Variants in MAPK8IP3 observed in about 807,000 individuals in gnomAD.
MAPK8IP3 encodes the protein C-Jun-amino-terminal kinase-interacting protein 3.
Under a neutral mutation model 157.8 loss-of-function variants are expected in MAPK8IP3, and 49 were observed. The ratio of observed to expected loss-of-function variants is 0.31; its 90% confidence interval spans 0.25 to 0.39. The LOEUF is 0.39. Among genes scored for constraint, MAPK8IP3 ranks in the 10% least tolerant of loss-of-function variants. The probability of loss-of-function intolerance (pLI) is 1.00; values close to 1 mark genes in which losing one functional copy is unlikely to be tolerated. For synonymous variants in MAPK8IP3, 897 were observed against 777.7 expected (o/e 1.15, Z -2.55); for missense variants, 1,478 against 1,889.4 (o/e 0.78, Z 4.04).
rs994920328 is a variant in MAPK8IP3, at chr16:1,710,720, C to G, written c.318+4063C>G. On this transcript the variant is annotated intron_variant, in intron 1 of 31. Transcript: ENST00000610761. This position sits in a 1 kb window ranked among gnomAD's most constrained non-coding sequence, Gnocchi z 4.1. ...TTCATATGACAAATAGTAAATCCAC[C>G]ACTGCTTGGCCAGAGTATGCGATTT... Among the ~76,000 whole-genome samples, 1 of 152,148 alleles carries G rather than the reference C, an allele frequency of 6.6e-6. No individual in the cohort carries two copies. The highest frequency in any genetic ancestry group is 2.4e-5 in the African/African-American group (1 of 41,420).
chr16:1,748,525 T>C, intron 7 of MAPK8IP3, 77 bp from the exon 8 acceptor site: 1 of 1,287,186 alleles, frequency 7.8e-7, no homozygotes, highest in Admixed American at 1.8e-5. Flanking sequence ...TGGGAGGTGT[T>C]GGAAGAGTCT....
intron 5 of MAPK8IP3, 35 bp from the exon 6 acceptor site, chr16:1,746,994 G>T: frequency 1.2e-6 from 2 of 1,606,314 alleles, no homozygotes; most frequent in South Asian, 2.2e-5. Flanking sequence ...GACCTGCAGT[G>T]ACTCGCTCTC....
At position 1,762,986 on chromosome 16, in the gene MAPK8IP3, C is replaced by G; in HGVS notation, c.1878C>G (p.Pro626=). 9.3e-6 allele frequency: 15 copies of G among 1,612,880 alleles called. No homozygotes were observed. Among genetic ancestry groups the G allele is most frequent in the Non-Finnish European group, 1.3e-5 (15 of 1,179,976 alleles). Residue 626 remains proline, a synonymous_variant, in exon 16 of 32, where the codon CCC becomes CCG. Transcript: ENST00000610761. ...AMCPISAGSR[P]LEFFPDDDCT... ...GCCCGATCTCGGCAGGCAGCCGGCC[C>G]CTGGAATTCTTCCCTGACGAGTGAG... is the stretch of plus-strand genomic sequence containing the variant.
rs554891383 is a variant in MAPK8IP3 at position 1,717,891 on chromosome 16, G to A, written c.319-6666G>A. 1.7e-3 allele frequency among the ~76,000 whole-genome samples: 260 copies of A among 150,396 alleles called. 1 individual carries two copies. The highest frequency in any genetic ancestry group is 2.9e-3 in the Admixed American group (44 of 15,106). On this transcript the variant is annotated intron_variant, in intron 1 of 31. Coordinates refer to ENST00000610761, the MANE Select transcript of MAPK8IP3 (RefSeq NM_001318852.2). ...TTTTGAGATGGAGTCTCGCTCTATC[G>A]CCCAGGCTGGAGTGCAGTGGCACGA...
At chr16:1,744,528 G>T in intron 5 of MAPK8IP3, 1 of 985,586 alleles carries the variant, frequency 1.0e-6, no homozygotes, top group Non-Finnish European at 1.2e-6. Flanking sequence ...GAGAGAGGGT[G>T]GCGGGGCTGC....
chr16:1,765,100 G>A lies in MAPK8IP3; in HGVS notation c.2368G>A (p.Asp790Asn), dbSNP rs376382730. ...GACCACCAGCAAGGTGGTGATCATCGACGCCAACCAGCCGGGCACGGTGGT... is the reference window on the plus strand; with the variant it reads ...GACCACCAGCAAGGTGGTGATCATCAACGCCAACCAGCCGGGCACGGTGGT... ...TLTTSKVVII[D>N]ANQPGTVVDQ... The change falls in exon 20 of 32, where the codon GAC becomes AAC. Residue 790 changes from aspartate (D) to asparagine (N), a missense_variant. Transcript: ENST00000610761. The A allele has an allele frequency of 8.9e-5, 144 of 1,612,498 alleles. 1 individual carries two copies. Among genetic ancestry groups the A allele is most frequent in the Admixed American group, 3.5e-4 (21 of 59,984 alleles).
chr16:1,728,740 C>T (rs558479421), intron 2 of MAPK8IP3, among the ~76,000 whole-genome samples: 4 of 148,938 alleles, frequency 2.7e-5, no homozygotes, highest in East Asian at 2.0e-4. Flanking sequence ...GCACAACGCA[C>T]GCAGCAGCCC....
At chr16:1,740,014 GCGTGTGAGCATCCGTGTGACCGTC>G (rs1472264732) in intron 4 of MAPK8IP3, among the ~76,000 whole-genome samples, 3 of 117,976 alleles carry the variant, frequency 2.5e-5, no homozygotes, top group Non-Finnish European at 3.5e-5. Context: ...ATCCGTGTGA[GCGTGTGAGCATCCGTGTGACCGTC>G]CGTGTGAGCA....
chr16:1,739,224 G>T (rs1363574473), intron 4 of MAPK8IP3, among the ~76,000 whole-genome samples: 4 of 134,180 alleles, frequency 3.0e-5, no homozygotes, highest in Non-Finnish European at 4.7e-5. Flanking sequence ...GTGAGCGTGT[G>T]ACCGTCCGTG....
At chr16:1,750,707 C>T (rs1233671677) in intron 8 of MAPK8IP3, among the ~76,000 whole-genome samples, 4 of 150,862 alleles carry the variant, frequency 2.7e-5, no homozygotes, top group East Asian at 2.0e-4. Flanking sequence ...TGCAGTGGTG[C>T]GATCTCGGCT....
intron 20 of MAPK8IP3, 60 bp from the exon 21 acceptor site, chr16:1,765,900 G>C (rs2042228720): frequency 6.8e-7 from 1 of 1,481,234 alleles, no homozygotes; most frequent in African/African-American, 1.4e-5. Flanking sequence ...GTAAGTGCTG[G>C]GCACGCCCTT....
chr16:1,737,410 G>A lies in MAPK8IP3; in HGVS notation c.603-5922G>A, dbSNP rs577193481. Among the ~76,000 whole-genome samples, 33 of 108,848 alleles carry A rather than the reference G, an allele frequency of 3.0e-4. 2 individuals carry two copies. Among genetic ancestry groups the A allele is most frequent in the Middle Eastern group, 5.6e-3 (1 of 180 alleles). 71.4% of individuals were successfully genotyped at this position (108,848 alleles called of 152,430 possible). ...CATCCATGTGAGCATCTGTGTGACCGTCCGTGTGAGCGTCCGTGTGAGTGT... is the reference window on the plus strand; with the variant it reads ...CATCCATGTGAGCATCTGTGTGACCATCCGTGTGAGCGTCCGTGTGAGTGT... On this transcript the variant is annotated intron_variant, in intron 4 of 31. Transcript: ENST00000610761.
chr16:1,748,556 C>A, intron 7 of MAPK8IP3, 46 bp from the exon 8 acceptor site: 1 of 1,490,884 alleles, frequency 6.7e-7, no homozygotes. Flanking sequence ...CCACTCCGGG[C>A]TGCCCACTGA....
rs1002993370 is a variant in MAPK8IP3, at chr16:1,751,904, C to A, written c.1216+3184C>A. The stretch of plus-strand genomic sequence containing the variant: ...TGGCTTTTCACTGCTGAGTAGTGCC[C>A]GTTGCATGGACAGACCACGTTGTGC... On this transcript the variant is annotated intron_variant, in intron 8 of 31. Transcript: ENST00000610761. This position sits in a 1 kb window ranked among gnomAD's most constrained non-coding sequence, Gnocchi z 5.0. 1.3e-5 allele frequency: 2 copies of A among 152,260 alleles called. No individual in the cohort carries two copies. The highest frequency in any genetic ancestry group is 2.9e-5 in the Non-Finnish European group (2 of 68,080). 9.4% of individuals were successfully genotyped at this position (152,260 alleles called of 1,614,324 possible).
At chr16:1,737,054 G>T (rs1436740003) in intron 4 of MAPK8IP3, among the ~76,000 whole-genome samples, 1 of 89,576 alleles carries the variant, frequency 1.1e-5, no homozygotes, top group South Asian at 7.0e-4. Context: ...GTGACCGTCC[G>T]TGTGAGCGTC....
At chr16:1,748,475 G>A (rs773934816) in intron 7 of MAPK8IP3, 127 bp from the exon 8 acceptor site, 15 of 1,146,288 alleles carry the variant, frequency 1.3e-5, no homozygotes, top group African/African-American at 4.6e-5. Flanking sequence ...CTCCATCCAC[G>A]ACCGGCCTGC....
chr16:1,764,480 C>T (rs762009618), intron 19 of MAPK8IP3, 21 bp downstream of exon 19: 12 of 1,604,312 alleles, frequency 7.5e-6, no homozygotes, highest in African/African-American at 4.0e-5. Context: ...CCGAGGCCAC[C>T]GGGCACCCTC....
intron 9 of MAPK8IP3, among the ~76,000 whole-genome samples, chr16:1,758,443 T>C (rs1280645017): frequency 6.6e-6 from 1 of 152,184 alleles, no homozygotes; most frequent in African/African-American, 2.4e-5. Context: ...CGGCAGTGAC[T>C]GGACATGGCC....
rs1219508131 is a variant in MAPK8IP3, at chr16:1,712,713, C to T, written c.318+6056C>T. 2.0e-5 allele frequency among the ~76,000 whole-genome samples: 3 copies of T among 152,316 alleles called. No homozygotes were observed. The East Asian group carries it at 5.8e-4, about 29-fold the overall frequency. On this transcript the variant is annotated intron_variant, in intron 1 of 31. Transcript: ENST00000610761. ...CATCTGCCTCTGGTCTTCTGGCTGC[C>T]CCCCATTCTGCAGACCTGCAGTTCC...
Sources: allele counts gnomAD v4.1 joint callset (sites outside exome capture counted in the v4.1 genomes callset), GRCh38; gene constraint gnomAD v4.1.1; non-coding constraint Gnocchi (gnomAD v3.1); transcripts MANE v1.5; gene names NCBI Gene and HGNC (gene_info 2026-07-23, HGNC 2026-07-21).